The following WDR72 variants were observed in gnomAD, a reference collection of about 807,000 sequenced individuals.
The protein encoded by WDR72 is WD repeat domain 72.
A neutral mutation model predicts 124.2 loss-of-function variants in WDR72; 120 were observed. That is an observed-to-expected ratio of 0.97 (90% CI 0.83 to 1.12). WDR72 has a LOEUF of 1.12. WDR72 is among the 50% of genes most tolerant of loss of function. WDR72 has a pLI of 0.00. For missense variants in WDR72, 1,387 were observed against 1,278.8 expected, an observed-to-expected ratio of 1.08 and a Z score of -1.29; for synonymous variants, 452 against 441.7, an observed-to-expected ratio of 1.02 and a Z score of -0.29.
At chr15:53,738,683 ACTCC>A (rs1413682175) in intron 1 of WDR72, among the ~76,000 whole-genome samples, 1 of 151,470 alleles carries the variant, frequency 6.6e-6, no homozygotes, top group Non-Finnish European at 1.5e-5. Context: ...TGCAACCTCC[ACTCC>A]CGGGTTCAAG....
upstream of WDR72, among the ~76,000 whole-genome samples, chr15:53,760,237 C>T (rs116413690): frequency 7.9e-3 from 1,201 of 152,062 alleles, 22 homozygotes; most frequent in African/African-American, 0.028. Context: ...ACTATATTCA[C>T]CCTGTTGTGC....
intron 3 of WDR72, among the ~76,000 whole-genome samples, chr15:53,717,119 A>C (rs913222612): frequency 2.6e-5 from 4 of 152,208 alleles, no homozygotes; most frequent in Non-Finnish European, 5.9e-5. Context: ...AGTGCCACCA[A>C]GAGGCTACAT....
rs954665171 is a variant in WDR72 at position 53,721,709 on chromosome 15, G to A, written c.260+1093C>T. On this transcript the variant is annotated intron_variant, in intron 3 of 19. Transcript: ENST00000360509. ...CTTTTGGTTTTCAGAATTCAGAAGC[G>A]TATAATTTCTCTTTGTATTAAAAAC... is the stretch of plus-strand genomic sequence containing the variant. Among the ~76,000 whole-genome samples the A allele has an allele frequency of 3.9e-5, 6 of 152,088 alleles. No homozygotes were observed. The East Asian group carries it at 7.7e-4, about 20-fold the overall frequency.
At chr15:53,604,498 A>C (rs962729515) in intron 17 of WDR72, among the ~76,000 whole-genome samples, 1 of 152,260 alleles carries the variant, frequency 6.6e-6, no homozygotes, top group African/African-American at 2.4e-5. Flanking sequence ...AATTAAACTA[A>C]AGAGCTTCTG....
At chr15:53,574,402 C>T (rs1171729405) in intron 18 of WDR72, among the ~76,000 whole-genome samples, 1 of 151,986 alleles carries the variant, frequency 6.6e-6, no homozygotes. Flanking sequence ...CAGGCATTGA[C>T]CTAGGTATTG....
At chr15:53,732,864 A>T in intron 2 of WDR72, 133 bp downstream of exon 2, 1 of 1,094,740 alleles carries the variant, frequency 9.1e-7, no homozygotes, top group African/African-American at 1.6e-5. Flanking sequence ...TTCAGAAGTA[A>T]AATCAATTTA....
At chr15:53,757,343 C>T (rs2018936401) in intron 1 of WDR72, among the ~76,000 whole-genome samples, 1 of 152,144 alleles carries the variant, frequency 6.6e-6, no homozygotes, top group African/African-American at 2.4e-5. Context: ...TCCTAAATGG[C>T]CAGGCACGGT....
chr15:53,616,635 T>C (rs2013779390), intron 14 of WDR72, among the ~76,000 whole-genome samples: 2 of 151,942 alleles, frequency 1.3e-5, no homozygotes, highest in Non-Finnish European at 2.9e-5. Context: ...AAAAATTTAT[T>C]AAGTATTTTA....
chr15:53,540,561 A>C (rs377521146), intron 18 of WDR72, among the ~76,000 whole-genome samples: 1 of 104,896 alleles, frequency 9.5e-6, no homozygotes, highest in African/African-American at 2.9e-5. Context: ...CAGCAAACCA[A>C]AGGAAGAAAG....
intron 14 of WDR72, among the ~76,000 whole-genome samples, chr15:53,624,490 C>T (rs2014128688): frequency 6.6e-6 from 1 of 152,184 alleles, no homozygotes; most frequent in Admixed American, 6.5e-5. Flanking sequence ...AAAATCACAG[C>T]AATGATTCGA....
intron 3 of WDR72, 46 bp downstream of exon 3, chr15:53,722,756 A>C: frequency 6.4e-7 from 1 of 1,555,006 alleles, no homozygotes; most frequent in Non-Finnish European, 8.9e-7. Context: ...GTTTTTAAAA[A>C]GGGAAGGAAA....
chr15:53,567,018 C>G (rs748959355), intron 18 of WDR72, among the ~76,000 whole-genome samples: 1 of 151,862 alleles, frequency 6.6e-6, no homozygotes, highest in African/African-American at 2.4e-5. Context: ...TTAAAGGCAA[C>G]CGTTGCAGTC....
intron 10 of WDR72, 128 bp from the exon 11 acceptor site, chr15:53,705,361 C>G: frequency 1.2e-6 from 1 of 813,234 alleles, no homozygotes; most frequent in Non-Finnish European, 2.0e-6. Context: ...TTCATATTGC[C>G]AGCATTCATC....
At chr15:53,655,070 A>G (rs1237002754) in intron 14 of WDR72, among the ~76,000 whole-genome samples, 1 of 151,816 alleles carries the variant, frequency 6.6e-6, no homozygotes, top group African/African-American at 2.4e-5. Flanking sequence ...ATCACTACTA[A>G]AAATACAAAA....
chr15:53,625,744 A>ATT (rs2014179382), intron 14 of WDR72, among the ~76,000 whole-genome samples: 1 of 152,154 alleles, frequency 6.6e-6, no homozygotes, highest in East Asian at 1.9e-4. Flanking sequence ...TGCAAACTGT[A>ATT]AGCAATCCAA....
In WDR72 at chr15:53,516,957, C is replaced by T. The variant is rs1179524168; in HGVS notation, c.*742G>A. ...ACAAGAGTTTATACTTAATAAGGAT[C>T]AATTGTGATATGCTGTAAGTTGATT... On this transcript the variant is annotated 3_prime_UTR_variant, in exon 20 of 20. Transcript: ENST00000360509. The T allele has an allele frequency of 6.6e-6, 1 of 151,990 alleles. No individual in the cohort carries two copies. The highest frequency in any genetic ancestry group is 2.4e-5 in the African/African-American group (1 of 41,432). 9.4% of individuals were successfully genotyped at this position (151,990 alleles called of 1,614,324 possible).
chr15:53,696,156 C>T (rs1716497690), intron 13 of WDR72, among the ~76,000 whole-genome samples: 1 of 152,108 alleles, frequency 6.6e-6, no homozygotes, highest in African/African-American at 2.4e-5. Flanking sequence ...TCAATTTATT[C>T]CTCCTTCACG....
intron 13 of WDR72, among the ~76,000 whole-genome samples, chr15:53,671,754 A>G (rs1359030490): frequency 1.3e-5 from 2 of 152,136 alleles, no homozygotes; most frequent in East Asian, 1.9e-4. Flanking sequence ...ATGGCACAAG[A>G]ACTTGTAATT....
At chr15:53,525,090 T>G (rs1029020971) in intron 18 of WDR72, among the ~76,000 whole-genome samples, 1 of 152,040 alleles carries the variant, frequency 6.6e-6, no homozygotes, top group Admixed American at 6.6e-5. Flanking sequence ...GTGGCCTAAG[T>G]AGTTATTGAT....
Sources: allele counts gnomAD v4.1 joint callset (sites outside exome capture counted in the v4.1 genomes callset), GRCh38; gene constraint gnomAD v4.1.1; transcripts MANE v1.5; gene names NCBI Gene and HGNC (gene_info 2026-07-23, HGNC 2026-07-21).